Variants in DOCK1 observed in about 807,000 individuals in gnomAD.
The protein encoded by DOCK1 is dedicator of cytokinesis 1, also known as dedicator of cytokinesis protein 1.
In DOCK1, 138 loss-of-function variants were observed where a neutral mutation model predicts 262.7. The observed-to-expected ratio is 0.53, with a 90% confidence interval of 0.46 to 0.61. The LOEUF is 0.61. DOCK1 is among the 20% of genes least tolerant of loss of function. The pLI, the probability that DOCK1 is intolerant of heterozygous loss-of-function variation, is 0.00. For missense variants in DOCK1, 1,908 were observed against 2,370.7 expected (o/e 0.80, Z 4.05); for synonymous variants, 866 against 867.4 (o/e 1.00, Z 0.03).
intron 27 of DOCK1, among the ~76,000 whole-genome samples, chr10:127,236,328 C>T (rs2059051710): frequency 7.6e-6 from 1 of 131,240 alleles, no homozygotes; most frequent in Admixed American, 7.9e-5. Flanking sequence ...TCCCTCCCTC[C>T]CCCTCTCCCC....
chr10:126,918,004 A>G (rs530639622), intron 1 of DOCK1, among the ~76,000 whole-genome samples: 82 of 152,300 alleles, frequency 5.4e-4, no homozygotes, highest in Middle Eastern at 6.8e-3. Flanking sequence ...TCTGGACGAG[A>G]GAGACTCAGC....
intron 22 of DOCK1, among the ~76,000 whole-genome samples, chr10:127,061,263 G>A (rs1245912275): frequency 2.0e-5 from 3 of 152,102 alleles, no homozygotes; most frequent in Non-Finnish European, 4.4e-5. Context: ...TAAAAACACT[G>A]GTAGAAAACA....
At chr10:127,035,678 G>T (rs896887365) in intron 18 of DOCK1, among the ~76,000 whole-genome samples, 3 of 152,164 alleles carry the variant, frequency 2.0e-5, no homozygotes, top group Non-Finnish European at 4.4e-5. Flanking sequence ...GTCTGGGCAG[G>T]ATGGAGCCTT....
At chr10:127,312,318 G>T (rs1287055782) in intron 29 of DOCK1, among the ~76,000 whole-genome samples, 7 of 152,142 alleles carry the variant, frequency 4.6e-5, no homozygotes, top group African/African-American at 1.7e-4. Context: ...TTCCTAGGAC[G>T]GGGCAGCAGA....
intron 1 of DOCK1, among the ~76,000 whole-genome samples, chr10:126,951,806 G>C (rs2036273008): frequency 6.6e-6 from 1 of 151,826 alleles, no homozygotes; most frequent in South Asian, 2.1e-4. Context: ...ATTTACATTG[G>C]GTGTACACTG....
intron 22 of DOCK1, among the ~76,000 whole-genome samples, chr10:127,059,523 G>A (rs1591842713): frequency 6.6e-6 from 1 of 152,002 alleles, no homozygotes; most frequent in Non-Finnish European, 1.5e-5. Context: ...ATTTTCTGTG[G>A]ATTGTCTTCC....
intron 27 of DOCK1, among the ~76,000 whole-genome samples, chr10:127,139,675 T>C (rs1270088251): frequency 1.3e-5 from 2 of 152,272 alleles, no homozygotes; most frequent in South Asian, 2.1e-4. Flanking sequence ...GACATGGGGT[T>C]TCCACCCTGC....
chr10:127,172,715 C>T (rs1254251899), intron 27 of DOCK1, among the ~76,000 whole-genome samples: 2 of 152,128 alleles, frequency 1.3e-5, no homozygotes, highest in Admixed American at 1.3e-4. Context: ...TACCTTCCAC[C>T]GTGAGCTTGT....
At chr10:127,411,019 C>A in intron 43 of DOCK1, 95 bp downstream of exon 43, 1 of 1,200,812 alleles carries the variant, frequency 8.3e-7, no homozygotes, top group Non-Finnish European at 1.2e-6. Flanking sequence ...CAGAGGCAGC[C>A]ACGGAGCCAT....
chr10:127,252,942 C>A (rs1251755242), intron 28 of DOCK1, among the ~76,000 whole-genome samples: 1 of 152,052 alleles, frequency 6.6e-6, no homozygotes, highest in Non-Finnish European at 1.5e-5. Context: ...CAAATTTAGC[C>A]CTTTTTGGTT....
chr10:127,076,799 CCCCAGGGCCTGT>C (rs1336125906), intron 23 of DOCK1, among the ~76,000 whole-genome samples: 3 of 152,220 alleles, frequency 2.0e-5, no homozygotes, highest in Non-Finnish European at 4.4e-5. Context: ...CCGTCATCTA[CCCCAGGGCCTGT>C]GCCTTCCTTC....
chr10:127,323,258 C>T (rs1401263109), intron 29 of DOCK1, among the ~76,000 whole-genome samples: 6 of 152,110 alleles, frequency 3.9e-5, no homozygotes, highest in Non-Finnish European at 4.4e-5. Flanking sequence ...TTATCTTCCC[C>T]GTGGCCGCCC....
At chr10:126,956,439 G>T (rs1373213676) in intron 1 of DOCK1, among the ~76,000 whole-genome samples, 2 of 152,166 alleles carry the variant, frequency 1.3e-5, no homozygotes, top group African/African-American at 4.8e-5. Flanking sequence ...GTGCAGCTGA[G>T]TGAGTGGGAG....
intron 21 of DOCK1, among the ~76,000 whole-genome samples, chr10:127,052,084 G>A (rs2044759417): frequency 6.6e-6 from 1 of 152,138 alleles, no homozygotes; most frequent in African/African-American, 2.4e-5. Flanking sequence ...CCATTAAATA[G>A]GATAATACTG....
At chr10:127,016,972 TACAC>T (rs781574635) in intron 12 of DOCK1, among the ~76,000 whole-genome samples, 28 of 71,826 alleles carry the variant, frequency 3.9e-4, no homozygotes, top group Non-Finnish European at 6.4e-4. Flanking sequence ...CACAAATACA[TACAC>T]ACGCACACAC....
At chr10:127,338,299 G>A (rs1421742388) in intron 29 of DOCK1, among the ~76,000 whole-genome samples, 2 of 152,198 alleles carry the variant, frequency 1.3e-5, no homozygotes, top group Non-Finnish European at 2.9e-5. Flanking sequence ...GCATGTGAGA[G>A]TTGGTATTCT....
At chr10:127,207,096 A>T (rs1041859414) in intron 27 of DOCK1, among the ~76,000 whole-genome samples, 1 of 152,222 alleles carries the variant, frequency 6.6e-6, no homozygotes, top group Admixed American at 6.5e-5. Context: ...GAAGAAACTG[A>T]ACCTTTATGG....
intron 27 of DOCK1, among the ~76,000 whole-genome samples, chr10:127,245,633 G>A (rs11016909): frequency 0.26 from 39,226 of 152,032 alleles, 6,093 homozygotes; most frequent in South Asian, 0.58. Context: ...GAATTTCTCC[G>A]CATGACGTGA....
rs779069875 is a variant in DOCK1 at position 127,447,465 on chromosome 10, G to A, written c.5485G>A (p.Val1829Met). Residue 1829 changes from valine (V) to methionine (M), a missense_variant, in exon 51 of 52, where the codon GTG (valine) becomes ATG (methionine). Val to Met is a conservative substitution (Grantham distance 21). Around this residue, in one of 9 missense-constraint regions of DOCK1, gnomAD observed 383 missense variants for 420.1 expected, o/e 0.91. Transcript: ENST00000623213. ...ACCCCCTCTGCCTCTCAAAGGCAGC[G>A]TGGCAGATTACGGGAATTTGATGGA... Reference protein sequence around the residue: ...VPPPLPLKGSVADYGNLMENQ... With the variant: ...VPPPLPLKGSMADYGNLMENQ... 14 of 1,613,662 alleles carry A rather than the reference G, an allele frequency of 8.7e-6. No homozygotes were observed. The highest frequency in any genetic ancestry group is 3.3e-4 in the Middle Eastern group (2 of 6,084).
Sources: allele counts gnomAD v4.1 joint callset (sites outside exome capture counted in the v4.1 genomes callset), GRCh38; gene constraint gnomAD v4.1.1; regional missense constraint gnomAD v4.1.1; transcripts MANE v1.5; gene names NCBI Gene and HGNC (gene_info 2026-07-23, HGNC 2026-07-21).